Variants in C11orf65 observed in about 807,000 individuals in gnomAD.
The protein encoded by C11orf65 is chromosome 11 open reading frame 65, also known as protein MFI.
Under a neutral mutation model 35.3 loss-of-function variants are expected in C11orf65, and 38 were observed. That is an observed-to-expected ratio of 1.08 (90% CI 0.83 to 1.41). The LOEUF is 1.41. Ranked by LOEUF, C11orf65 falls within the 40% of genes most tolerant of loss-of-function variation. The pLI is 0.00. For synonymous variants in C11orf65, 105 were observed against 114.4 expected (o/e 0.92, Z 0.53); for missense variants, 370 against 367.1 (o/e 1.01, Z -0.06).
intron 2 of C11orf65, among the ~76,000 whole-genome samples, chr11:108,450,316 C>T (rs1453962573): frequency 6.6e-6 from 1 of 151,554 alleles, no homozygotes; most frequent in Non-Finnish European, 1.5e-5. Context: ...TATAAAGACA[C>T]ATGCACACGT....
At chr11:108,437,220 G>A (rs1396736295) in intron 2 of C11orf65, among the ~76,000 whole-genome samples, 1 of 151,784 alleles carries the variant, frequency 6.6e-6, no homozygotes, top group Non-Finnish European at 1.5e-5. Flanking sequence ...TCAGGAATTC[G>A]AGGCTACAGT....
intron 6 of C11orf65, among the ~76,000 whole-genome samples, chr11:108,324,287 A>G (rs1254315426): frequency 1.3e-5 from 2 of 152,190 alleles, no homozygotes; most frequent in African/African-American, 2.4e-5. Flanking sequence ...TTTGAACATC[A>G]GCATTATCAA....
rs1057517120 is a variant in C11orf65, at chr11:108,317,522, G to A, written c.641-8451C>T. The A allele has an allele frequency of 6.3e-7, 1 of 1,593,860 alleles. No individual in the cohort carries two copies. Among genetic ancestry groups the A allele is most frequent in the East Asian group, 2.3e-5 (1 of 43,940 alleles). ...AGTGGGACCATTGCACTTCCGTCAG[G>A]TAAGAAATTTGACTTGATTTTTTTT... is the stretch of plus-strand genomic sequence containing the variant. On this transcript the variant is annotated intron_variant, in intron 6 of 6. Transcript: ENST00000525729.
chr11:108,436,755 C>T (rs532034308), intron 2 of C11orf65, among the ~76,000 whole-genome samples: 14 of 152,032 alleles, frequency 9.2e-5, no homozygotes, highest in African/African-American at 2.4e-4. Flanking sequence ...AGAGTAGAAA[C>T]GGTAACACTA....
intron 3 of C11orf65, among the ~76,000 whole-genome samples, chr11:108,412,912 A>G (rs2092681953): frequency 6.6e-6 from 1 of 152,224 alleles, no homozygotes; most frequent in Non-Finnish European, 1.5e-5. Context: ...AAAGCAGCAA[A>G]ATATGTGAAG....
At chr11:108,335,380 G>GA (rs1225184596) in intron 2 of C11orf65, 95 of 1,000,208 alleles carry the variant, frequency 9.5e-5, no homozygotes, top group South Asian at 3.6e-4. Flanking sequence ...TGCTTCTTAT[G>GA]AAAAAAAATA....
intron 3 of C11orf65, among the ~76,000 whole-genome samples, chr11:108,420,377 T>C (rs769968011): frequency 1.3e-5 from 2 of 152,198 alleles, no homozygotes; most frequent in Non-Finnish European, 2.9e-5. Flanking sequence ...GAGTTGGAAC[T>C]GCAATGTAAG....
intron 6 of C11orf65, chr11:108,310,399 T>A (rs2084050185): frequency 1.3e-5 from 16 of 1,267,706 alleles, no homozygotes; most frequent in African/African-American, 3.0e-5. Flanking sequence ...TTATTTTGCC[T>A]CCTGTTCCCC....
At position 108,438,035 on chromosome 11, in the gene C11orf65, G is replaced by T. The variant is rs147297750; in HGVS notation, c.82-6197C>A. 7.5e-3 allele frequency among the ~76,000 whole-genome samples: 1,143 copies of T among 152,198 alleles called. 9 individuals carry two copies. Among genetic ancestry groups the T allele is most frequent in the African/African-American group, 0.024 (1,014 of 41,538 alleles). On this transcript the variant is annotated intron_variant, in intron 2 of 8. Transcript: ENST00000393084. ...AAGCTACAATAATCAAAACAGTTTG[G>T]TACTGGCCTAAGGACAGATATATAG...
chr11:108,389,880 G>A (rs954832021), intron 7 of C11orf65, among the ~76,000 whole-genome samples: 4 of 152,000 alleles, frequency 2.6e-5, no homozygotes, highest in African/African-American at 4.8e-5. Flanking sequence ...ATTTTTAGTA[G>A]AGATGGGGTT....
Position 108,406,963 on chromosome 11 carries a change from C to A in C11orf65, c.229G>T (p.Val77Phe). ...GIHVRFRLGG[V>F]KFPPDIYYKI... ...TAGTATATATCAGGTGGAAATTTAA[C>A]CTGTAGAAGGAAAAGTTCAAAGAGC... is the stretch of plus-strand genomic sequence containing the variant. Residue 77 changes from valine to phenylalanine, a missense_variant and splice_region_variant, in exon 5 of 9, where the codon GTT becomes TTT. Val to Phe is a conservative substitution (Grantham distance 50). Coordinates refer to ENST00000393084, the MANE Select transcript of C11orf65 (RefSeq NM_152587.5). The A allele has an allele frequency of 1.2e-6, 2 of 1,602,922 alleles. No homozygotes were observed. Among genetic ancestry groups the A allele is most frequent in the Non-Finnish European group, 1.7e-6 (2 of 1,170,964 alleles).
intron 2 of C11orf65, among the ~76,000 whole-genome samples, chr11:108,443,591 T>G (rs960724193): frequency 6.6e-6 from 1 of 152,116 alleles, no homozygotes; most frequent in Non-Finnish European, 1.5e-5. Flanking sequence ...TCAGCAAATG[T>G]AAAAGAACAG....
intron 2 of C11orf65, among the ~76,000 whole-genome samples, chr11:108,352,940 TATGG>T (rs1436804385): frequency 1.3e-5 from 2 of 152,056 alleles, no homozygotes; most frequent in Non-Finnish European, 2.9e-5. Context: ...GGTGATAGGC[TATGG>T]GAGGGAAATA....
At position 108,382,816 on chromosome 11, in the gene C11orf65, ATAC is replaced by A; in HGVS notation, c.*202_*204del. On this transcript the variant is annotated 3_prime_UTR_variant, in exon 9 of 9. Transcript: ENST00000393084. The stretch of plus-strand genomic sequence containing the variant: ...TGTTAGAATACTACAGTTTCTCAGA[ATAC>A]TAGGAATAATTTCTATATTTGCCAT... The A allele has an allele frequency of 1.0e-6, 1 of 984,398 alleles. No individual in the cohort carries two copies. The highest frequency in any genetic ancestry group is 1.7e-5 in the African/African-American group (1 of 57,334). The allele number at this position is 984,398 out of a possible 1,614,324, so 61.0% of individuals were successfully genotyped here.
chr11:108,365,005 G>A (rs2137857992), intron 2 of C11orf65: 12 of 1,530,374 alleles, frequency 7.8e-6, no homozygotes, highest in Non-Finnish European at 1.1e-5. Context: ...TTATTTGTAT[G>A]ATACTGGTTC....
chr11:108,366,061 T>C (rs2091311879), intron 2 of C11orf65: 1 of 185,038 alleles, frequency 5.4e-6, no homozygotes, highest in African/African-American at 2.4e-5. Context: ...GAAACGTATT[T>C]GGATTTTTCC....
intron 6 of C11orf65, among the ~76,000 whole-genome samples, chr11:108,394,124 G>A (rs976912396): frequency 4.9e-5 from 7 of 143,862 alleles, no homozygotes; most frequent in South Asian, 2.2e-4. Context: ...AGGTTGCAGC[G>A]AGCCGAGATC....
chr11:108,412,120 G>A (rs1281149780), intron 3 of C11orf65, among the ~76,000 whole-genome samples: 1 of 151,842 alleles, frequency 6.6e-6, no homozygotes, highest in Non-Finnish European at 1.5e-5. Flanking sequence ...TTTTTCCATT[G>A]TCTTATTGTT....
chr11:108,329,065 G>A (rs376185463), downstream of C11orf65: 1 of 1,613,970 alleles, frequency 6.2e-7, no homozygotes, highest in Non-Finnish European at 8.5e-7. Flanking sequence ...GTAGTGATGA[G>A]CTAAGAAATG....
Sources: gnomAD v4.1 joint callset for allele counts (sites outside exome capture counted in the v4.1 genomes callset) on GRCh38, gnomAD v4.1.1 for gene constraint, MANE v1.5 for transcripts, NCBI Gene and HGNC (gene_info 2026-07-23, HGNC 2026-07-21) for gene names.